The following HS6ST2 variants were observed in gnomAD, a reference collection of about 807,000 sequenced individuals.
HS6ST2 encodes heparan sulfate 6-O-sulfotransferase 2, also known as heparan-sulfate 6-O-sulfotransferase 2.
A neutral mutation model predicts 33.0 loss-of-function variants in HS6ST2; 17 were observed. The observed-to-expected ratio is 0.52, with a 90% CI of 0.35 to 0.77. The LOEUF is 0.77. Ranked by LOEUF, HS6ST2 falls within the 30% of genes least tolerant of loss-of-function variation. The pLI is 0.01. For missense variants in HS6ST2, 519 were observed against 551.7 expected (o/e 0.94, Z 0.59); for synonymous variants, 248 against 237.1 (o/e 1.05, Z -0.42).
At chrX:132,845,503 T>A (rs916795507) in intron 2 of HS6ST2, among the ~76,000 whole-genome samples, 3 of 111,448 alleles carry the variant, frequency 2.7e-5, no homozygotes, top group Admixed American at 9.6e-5. Context: ...TCCACATTTA[T>A]TACCTGGCAC....
intron 4 of HS6ST2, among the ~76,000 whole-genome samples, chrX:132,658,203 T>G (rs1011349727): frequency 9.0e-6 from 1 of 111,359 alleles, no homozygotes; most frequent in Admixed American, 9.5e-5. Flanking sequence ...AAAGAGAACC[T>G]TCAATATTTG....
At chrX:132,891,385 T>TA (rs780349677) in intron 2 of HS6ST2, among the ~76,000 whole-genome samples, 111 of 109,714 alleles carry the variant, frequency 1.0e-3, no homozygotes, top group African/African-American at 3.3e-3. Flanking sequence ...TTTTTATTTT[T>TA]TTTTTTATTA....
intron 2 of HS6ST2, among the ~76,000 whole-genome samples, chrX:132,921,138 C>T (rs1301263924): frequency 8.9e-6 from 1 of 111,915 alleles, no homozygotes; most frequent in Non-Finnish European, 1.9e-5. Context: ...TGAGTTGGGA[C>T]AAAGGAGATG....
chrX:132,649,719 G>A (rs977220611), intron 4 of HS6ST2, among the ~76,000 whole-genome samples: 17 of 111,048 alleles, frequency 1.5e-4, no homozygotes, highest in Non-Finnish European at 2.3e-4. Flanking sequence ...TTAGCTGGGC[G>A]CAGTGGCGGC....
upstream of HS6ST2, among the ~76,000 whole-genome samples, chrX:132,960,419 G>A (rs2067135253): frequency 9.0e-6 from 1 of 110,983 alleles, no homozygotes; most frequent in Admixed American, 9.6e-5. Flanking sequence ...GCATTCATTG[G>A]GTCCCTAGGA....
intron 2 of HS6ST2, among the ~76,000 whole-genome samples, chrX:132,731,800 T>C (rs1396122857): frequency 1.8e-5 from 2 of 108,781 alleles, no homozygotes; most frequent in Non-Finnish European, 3.8e-5. Context: ...TGAGTGGAGA[T>C]CGCGCCACTG....
In HS6ST2 at chrX:132,791,826, TCAAA is replaced by T. The variant is rs1156509605; in HGVS notation, c.948-83336_948-83333del. 5.7e-5 allele frequency among the ~76,000 whole-genome samples: 6 copies of T among 104,750 alleles called. No individual in the cohort carries two copies. In the Middle Eastern group the frequency reaches 0.019, roughly 328 times the overall value. 91.0% of individuals were successfully genotyped at this position (104,750 alleles called of 115,157 possible). On this transcript the variant is annotated intron_variant, in intron 2 of 4. Transcript: ENST00000370833. ...CCATTTCTACAAAAAAAAAAAAAAA[TCAAA>T]CAAATAGCTGGGTGTAGTGGCACAT...
chrX:132,736,786 T>C (rs113319867), intron 2 of HS6ST2, among the ~76,000 whole-genome samples: 4,891 of 111,914 alleles, frequency 0.044, 179 homozygotes, highest in African/African-American at 0.12. Context: ...GGAAGGGTGG[T>C]ATCAGGTGAT....
intron 2 of HS6ST2, among the ~76,000 whole-genome samples, chrX:132,885,438 T>C (rs1602811142): frequency 9.0e-6 from 1 of 111,549 alleles, no homozygotes; most frequent in South Asian, 3.8e-4. Flanking sequence ...ATGGGTTCTA[T>C]ACTGTGTGGC....
intron 2 of HS6ST2, among the ~76,000 whole-genome samples, chrX:132,765,095 G>T (rs770369204): frequency 2.6e-4 from 29 of 112,499 alleles, no homozygotes; most frequent in African/African-American, 8.7e-4. Flanking sequence ...CACGGTGTAT[G>T]AGTTGGGGTG....
chrX:132,629,201 C>CA, intron 4 of HS6ST2, 108 bp from the exon 5 acceptor site: 1 of 839,846 alleles, frequency 1.2e-6, no homozygotes, highest in Non-Finnish European at 1.7e-6. Flanking sequence ...GAAGGCAAAG[C>CA]AAAAATGACA....
chrX:132,914,488 T>A (rs771792475), intron 2 of HS6ST2, among the ~76,000 whole-genome samples: 18 of 112,875 alleles, frequency 1.6e-4, no homozygotes, highest in Non-Finnish European at 2.6e-4. Flanking sequence ...TTCTTTAGAA[T>A]CCTAAACTTG....
At chrX:132,846,758 C>T (rs2065753469) in intron 2 of HS6ST2, among the ~76,000 whole-genome samples, 1 of 110,603 alleles carries the variant, frequency 9.0e-6, no homozygotes, top group African/African-American at 3.3e-5. Flanking sequence ...ATTTGCAGAG[C>T]AGTGGTGCTT....
At chrX:132,951,170 A>G (rs1180700226) in intron 2 of HS6ST2, among the ~76,000 whole-genome samples, 3 of 111,173 alleles carry the variant, frequency 2.7e-5, no homozygotes, top group African/African-American at 9.8e-5. Flanking sequence ...TATCAGGGAG[A>G]TAGCTTTACC....
chrX:132,778,340 A>C (rs1243110747), intron 2 of HS6ST2, among the ~76,000 whole-genome samples: 1 of 112,461 alleles, frequency 8.9e-6, no homozygotes, highest in Non-Finnish European at 1.9e-5. Context: ...AAAGTAGTTA[A>C]AATGTATATC....
At chrX:132,782,745 T>C (rs991456686) in intron 2 of HS6ST2, among the ~76,000 whole-genome samples, 4 of 111,190 alleles carry the variant, frequency 3.6e-5, no homozygotes, top group African/African-American at 1.3e-4. Flanking sequence ...CTGGTACACC[T>C]ATGAAAATGA....
At chrX:132,834,974 A>G (rs1011178417) in intron 2 of HS6ST2, among the ~76,000 whole-genome samples, 1 of 112,151 alleles carries the variant, frequency 8.9e-6, no homozygotes, top group Non-Finnish European at 1.9e-5. Flanking sequence ...TTCTAATGGT[A>G]TTTTAAGTGA....
chrX:132,638,796 A>T (rs183917760), intron 4 of HS6ST2, among the ~76,000 whole-genome samples: 8 of 112,198 alleles, frequency 7.1e-5, no homozygotes, highest in Admixed American at 1.9e-4. Flanking sequence ...AAGATCTACC[A>T]GACACAAAAC....
At chrX:132,723,649 TG>T (rs1291840290) in intron 2 of HS6ST2, among the ~76,000 whole-genome samples, 1 of 111,553 alleles carries the variant, frequency 9.0e-6, no homozygotes, top group Non-Finnish European at 1.9e-5. Context: ...CTCAAAAAAC[TG>T]GGTATACAAG....
Sources: gnomAD v4.1 joint callset for allele counts (sites outside exome capture counted in the v4.1 genomes callset) on GRCh38, gnomAD v4.1.1 for gene constraint, MANE v1.5 for transcripts, NCBI Gene and HGNC (gene_info 2026-07-23, HGNC 2026-07-21) for gene names.